The following SERPINI1 variants were observed in gnomAD, a reference collection of about 807,000 sequenced individuals.
SERPINI1 encodes serpin family I member 1, also known as neuroserpin.
A neutral mutation model predicts 41.1 loss-of-function variants in SERPINI1; 19 were observed. The observed-to-expected ratio is 0.46, with a 90% confidence interval of 0.32 to 0.68. The LOEUF (loss-of-function observed/expected upper bound fraction) is 0.68. SERPINI1 is among the 30% of genes least tolerant of loss of function. The pLI is 0.03. For missense variants in SERPINI1, 460 were observed against 479.2 expected, an observed-to-expected ratio of 0.96 and a Z score of 0.37; for synonymous variants, 138 against 156.6, an observed-to-expected ratio of 0.88 and a Z score of 0.89.
intron 1 of SERPINI1, among the ~76,000 whole-genome samples, chr3:167,780,228 T>A (rs192654946): frequency 6.6e-6 from 1 of 152,302 alleles, no homozygotes; most frequent in Non-Finnish European, 1.5e-5. Flanking sequence ...ATTTCCTGAT[T>A]GAAACCTTTT....
intron 1 of SERPINI1, among the ~76,000 whole-genome samples, chr3:167,750,705 TGAG>T (rs75047997): frequency 0.034 from 5,197 of 152,248 alleles, 273 homozygotes; most frequent in East Asian, 0.22. Flanking sequence ...ATTTCATAGA[TGAG>T]GAAAGTGGGG....
Position 167,735,915 on chromosome 3 carries a change from G to A in SERPINI1, c.-19+92G>A, listed in dbSNP as rs9835352. On this transcript the variant is annotated intron_variant, in intron 1 of 8. Coordinates refer to ENST00000446050, the MANE Select transcript of SERPINI1 (RefSeq NM_001122752.2). ...CATCAAGACACAGCTAAAAGAGTCC[G>A]CGTTGGGTTAGGAAACCGGTGCAAA... 25,215 of 152,152 alleles carry A rather than the reference G, an allele frequency of 0.17. 2,407 individuals carry two copies. The highest frequency in any genetic ancestry group is 0.23 in the Non-Finnish European group (15,957 of 67,988). The allele number at this position is 152,152 out of a possible 1,614,324, so 9.4% of individuals were successfully genotyped here.
In SERPINI1 at chr3:167,823,085, AG is replaced by A. The variant is rs1274157544; in HGVS notation, c.1066+14del. On this transcript the variant is annotated intron_variant, in intron 7 of 8. Coordinates refer to ENST00000446050, the MANE Select transcript of SERPINI1 (RefSeq NM_001122752.2). ...GCTGCTGTCTCAGGTACTGTTTGCT[AG>A]AATCTTCTCCCCTCTTCTAGATTTG... 2.6e-6 allele frequency: 4 copies of A among 1,520,242 alleles called. No homozygotes were observed. Among genetic ancestry groups the A allele is most frequent in the Non-Finnish European group, 3.7e-6 (4 of 1,094,372 alleles). The allele number at this position is 1,520,242 out of a possible 1,614,324, so 94.2% of individuals were successfully genotyped here.
chr3:167,747,645 AAACAAC>A (rs148708499), intron 1 of SERPINI1, among the ~76,000 whole-genome samples: 5 of 151,904 alleles, frequency 3.3e-5, no homozygotes, highest in South Asian at 2.1e-4. Flanking sequence ...CTACGTCTCA[AAACAAC>A]AACAACAACA....
intron 1 of SERPINI1, among the ~76,000 whole-genome samples, chr3:167,749,617 A>G (rs776241743): frequency 6.6e-6 from 1 of 152,216 alleles, no homozygotes; most frequent in Admixed American, 6.5e-5. Flanking sequence ...GGAATATCTC[A>G]TTTATTAAAA....
chr3:167,768,976 G>A (rs1726653112), intron 1 of SERPINI1, among the ~76,000 whole-genome samples: 1 of 139,828 alleles, frequency 7.2e-6, no homozygotes, highest in East Asian at 2.0e-4. Flanking sequence ...CTCTAATTTT[G>A]TTCTTTTGTT....
chr3:167,823,821 A>G (rs1329901230), intron 7 of SERPINI1, among the ~76,000 whole-genome samples: 2 of 152,220 alleles, frequency 1.3e-5, no homozygotes, highest in Non-Finnish European at 2.9e-5. Context: ...GCATCAAGAC[A>G]GCTTGAAATC....
At chr3:167,795,046 C>A (rs1189471041) in intron 5 of SERPINI1, among the ~76,000 whole-genome samples, 1 of 151,768 alleles carries the variant, frequency 6.6e-6, no homozygotes, top group African/African-American at 2.4e-5. Flanking sequence ...GTGGTCCTTC[C>A]CGTAGACACA....
At chr3:167,764,121 G>A (rs1726480303) in intron 1 of SERPINI1, among the ~76,000 whole-genome samples, 1 of 151,768 alleles carries the variant, frequency 6.6e-6, no homozygotes, top group African/African-American at 2.4e-5. Flanking sequence ...AAAAAGTAAG[G>A]AACAGCAAGA....
At position 167,789,068 on chromosome 3, in the gene SERPINI1, A is replaced by G. The variant is rs557611019; in HGVS notation, c.-18-43A>G. 59 of 1,581,472 alleles carry G rather than the reference A, an allele frequency of 3.7e-5. No individual in the cohort carries two copies. In the African/African-American group the frequency reaches 4.6e-4, roughly 12 times the overall value. On this transcript the variant is annotated intron_variant, in intron 1 of 8. Coordinates refer to ENST00000446050, the MANE Select transcript of SERPINI1 (RefSeq NM_001122752.2). The stretch of plus-strand genomic sequence containing the variant: ...CATATCCTTCCATGAGACTTTTGTT[A>G]TAGAGATAACTAATAATTAATATGT...
chr3:167,790,845 C>T (rs888210155), intron 3 of SERPINI1, among the ~76,000 whole-genome samples: 2 of 152,126 alleles, frequency 1.3e-5, no homozygotes, highest in African/African-American at 4.8e-5. Flanking sequence ...GAAATCTTTA[C>T]TCTCTGATTG....
chr3:167,752,083 T>C (rs1577399727), intron 1 of SERPINI1, among the ~76,000 whole-genome samples: 1 of 152,204 alleles, frequency 6.6e-6, no homozygotes, highest in South Asian at 2.1e-4. Context: ...TGCCAGACCC[T>C]GAGCTCTCAA....
At chr3:167,790,677 T>G in intron 3 of SERPINI1, 75 bp downstream of exon 3, 1 of 1,097,822 alleles carries the variant, frequency 9.1e-7, no homozygotes, top group East Asian at 2.5e-5. Flanking sequence ...TATTTCCTCC[T>G]TGTTCCTTTT....
chr3:167,767,850 A>G (rs933411130), intron 1 of SERPINI1, among the ~76,000 whole-genome samples: 1 of 152,182 alleles, frequency 6.6e-6, no homozygotes, highest in Non-Finnish European at 1.5e-5. Flanking sequence ...CTGCAATCTC[A>G]TGATCAAATT....
At chr3:167,750,518 G>A (rs1034972789) in intron 1 of SERPINI1, among the ~76,000 whole-genome samples, 2 of 152,212 alleles carry the variant, frequency 1.3e-5, no homozygotes, top group African/African-American at 4.8e-5. Context: ...TATGTGAAGA[G>A]AAAGTGAAAG....
chr3:167,777,320 T>TAG (rs1726994705), intron 1 of SERPINI1, among the ~76,000 whole-genome samples: 1 of 150,096 alleles, frequency 6.7e-6, no homozygotes, highest in African/African-American at 2.4e-5. Flanking sequence ...ATTGACATTA[T>TAG]CTTAAGTTCT....
At chr3:167,742,478 C>T (rs192609546) in intron 1 of SERPINI1, among the ~76,000 whole-genome samples, 44 of 152,278 alleles carry the variant, frequency 2.9e-4, no homozygotes, top group African/African-American at 1.0e-3. Flanking sequence ...AGACAGATGC[C>T]TCTGTTGATC....
chr3:167,777,843 G>A (rs9842592), intron 1 of SERPINI1, among the ~76,000 whole-genome samples: 43,040 of 152,110 alleles, frequency 0.28, 6,390 homozygotes, highest in Non-Finnish European at 0.31. Flanking sequence ...ATGTTAAGAG[G>A]TAGGGCTTTG....
intron 6 of SERPINI1, among the ~76,000 whole-genome samples, chr3:167,815,362 T>G (rs1712043360): frequency 6.6e-6 from 1 of 152,060 alleles, no homozygotes; most frequent in South Asian, 2.1e-4. Context: ...TTAGTACCTG[T>G]GATGTGATTT....
Sources: allele counts gnomAD v4.1 joint callset (sites outside exome capture counted in the v4.1 genomes callset), GRCh38; gene constraint gnomAD v4.1.1; transcripts MANE v1.5; gene names NCBI Gene and HGNC (gene_info 2026-07-23, HGNC 2026-07-21).